Variants in SDC1 observed in about 807,000 individuals in gnomAD.
The protein encoded by SDC1 is syndecan 1, also known as syndecan-1.
In SDC1, 14 loss-of-function variants were observed where a neutral mutation model predicts 29.7. The ratio of observed to expected loss-of-function variants is 0.47; its 90% CI spans 0.31 to 0.74. SDC1 has a LOEUF of 0.74. Ranked by LOEUF, SDC1 falls within the 30% of genes least tolerant of loss-of-function variation. The pLI is 0.05. For synonymous variants in SDC1, 204 were observed against 175.5 expected (o/e 1.16, Z -1.29); for missense variants, 406 against 400.3 (o/e 1.01, Z -0.12).
chr2:20,210,661 A>G (rs1178984434), intron 1 of SDC1, among the ~76,000 whole-genome samples: 2 of 152,308 alleles, frequency 1.3e-5, no homozygotes, highest in African/African-American at 4.8e-5. Flanking sequence ...CACTGAATCA[A>G]CAAACCCCAA....
intron 1 of SDC1, among the ~76,000 whole-genome samples, chr2:20,209,196 G>T (rs184318881): frequency 1.3e-5 from 2 of 152,158 alleles, no homozygotes; most frequent in East Asian, 3.9e-4. Flanking sequence ...CCTTCTCTAA[G>T]GCTGGAAACA....
intron 2 of SDC1, among the ~76,000 whole-genome samples, chr2:20,204,865 C>A (rs540544413): frequency 2.4e-4 from 36 of 152,204 alleles, no homozygotes; most frequent in Non-Finnish European, 4.0e-4. Flanking sequence ...TTCTCTCCCC[C>A]AGTCCCCCAC....
intron 1 of SDC1, among the ~76,000 whole-genome samples, chr2:20,216,879 G>A (rs1677641519): frequency 6.6e-6 from 1 of 152,222 alleles, no homozygotes; most frequent in South Asian, 2.1e-4. Context: ...CTGTCTCTCA[G>A]CCTGCTGAGT....
intron 1 of SDC1, among the ~76,000 whole-genome samples, chr2:20,210,869 A>G (rs1418560063): frequency 6.6e-6 from 1 of 151,264 alleles, no homozygotes; most frequent in Non-Finnish European, 1.5e-5. Context: ...CACCCTCCCC[A>G]TCCCGAGATT....
At chr2:20,221,600 G>A (rs1558439126) in intron 1 of SDC1, among the ~76,000 whole-genome samples, 1 of 152,196 alleles carries the variant, frequency 6.6e-6, no homozygotes, top group East Asian at 1.9e-4. Context: ...GAGGGTAATA[G>A]GGATTCTTAG....
chr2:20,223,288 A>G, intron 1 of SDC1: 2 of 1,295,142 alleles, frequency 1.5e-6, no homozygotes, highest in Non-Finnish European at 2.0e-6. Context: ...TCTGTAAAGA[A>G]AAAAAAAACC....
chr2:20,218,863 C>T (rs555847132), intron 1 of SDC1, among the ~76,000 whole-genome samples: 8 of 152,188 alleles, frequency 5.3e-5, no homozygotes, highest in African/African-American at 1.9e-4. Context: ...TCTCATGGTG[C>T]TGCAACCCTC....
rs926286822 is a variant in SDC1 at position 20,203,359 on chromosome 2, C to T, written c.628-137G>A. ...CACTCAGATGCACCCAAACCAGGAT[C>T]GCACAGGGCCCGAAAGCCAGGCCTT... On this transcript the variant is annotated intron_variant, in intron 3 of 4. Coordinates refer to ENST00000254351, the MANE Select transcript of SDC1 (RefSeq NM_002997.5). 5.7e-5 allele frequency: 57 copies of T among 1,002,296 alleles called. No homozygotes were observed. The Middle Eastern group carries it at 1.2e-3, about 21-fold the overall frequency. 62.1% of individuals were successfully genotyped at this position (1,002,296 alleles called of 1,614,324 possible).
intron 1 of SDC1, among the ~76,000 whole-genome samples, chr2:20,217,666 C>T (rs1345723198): frequency 6.6e-6 from 1 of 152,206 alleles, no homozygotes; most frequent in East Asian, 1.9e-4. Flanking sequence ...CTCGTGCCGG[C>T]CCCCAGAGGG....
At position 20,204,139 on chromosome 2, in the gene SDC1, C is replaced by G. The variant is rs759511511; in HGVS notation, c.301G>C (p.Glu101Gln). The G allele has an allele frequency of 6.2e-7, 1 of 1,603,474 alleles. No individual in the cohort carries two copies. The highest frequency in any genetic ancestry group is 8.5e-7 in the Non-Finnish European group (1 of 1,179,870). The change falls in exon 3 of 5, where the codon GAG becomes CAG. Residue 101 changes from glutamate to glutamine, a missense_variant. Physicochemically the swap from Glu to Gln is conservative, Grantham distance 29. Transcript: ENST00000254351. ...STLPAGEGPKEGEAVVLPEVE... is the reference protein window; with the variant it reads ...STLPAGEGPKQGEAVVLPEVE... Reference sequence around the variant, plus strand: ...TCTGGCAGGACTACAGCCTCTCCCTCCTTGGGCCCCTCTCCAGCCGGCAGG... The same window carrying G: ...TCTGGCAGGACTACAGCCTCTCCCTGCTTGGGCCCCTCTCCAGCCGGCAGG...
intron 1 of SDC1, among the ~76,000 whole-genome samples, chr2:20,220,679 C>A (rs146127310): frequency 5.3e-5 from 8 of 152,266 alleles, no homozygotes; most frequent in African/African-American, 1.9e-4. Context: ...ATCATGATGT[C>A]CGCTTTACAG....
intron 1 of SDC1, among the ~76,000 whole-genome samples, chr2:20,207,630 G>A (rs549634864): frequency 3.9e-5 from 6 of 152,292 alleles, no homozygotes; most frequent in Admixed American, 2.0e-4. Context: ...CCCTGAATCC[G>A]GGAGGCAAGA....
chr2:20,203,062 A>G, intron 4 of SDC1, 25 bp downstream of exon 4: 1 of 1,583,546 alleles, frequency 6.3e-7, no homozygotes, highest in Non-Finnish European at 8.6e-7. Flanking sequence ...TTCACCCCAA[A>G]CTACCCCCCT....
chr2:20,212,684 G>T (rs1400075426), intron 1 of SDC1, among the ~76,000 whole-genome samples: 2 of 152,190 alleles, frequency 1.3e-5, no homozygotes, highest in Admixed American at 6.5e-5. Flanking sequence ...GGCCTGCCGA[G>T]GGTATGACAG....
chr2:20,221,264 G>C (rs1413578959), intron 1 of SDC1, among the ~76,000 whole-genome samples: 1 of 152,202 alleles, frequency 6.6e-6, no homozygotes, highest in South Asian at 2.1e-4. Context: ...CATCTGATTA[G>C]TTTCTTAGTG....
intron 1 of SDC1, chr2:20,223,184 G>A: frequency 8.4e-7 from 1 of 1,197,096 alleles, no homozygotes; most frequent in South Asian, 1.3e-5. Flanking sequence ...ACCGGAAAAT[G>A]TCTGGAAGCA....
In SDC1 at chr2:20,202,132, G is replaced by T; in HGVS notation, c.*634C>A. 3.6e-6 allele frequency: 2 copies of T among 562,976 alleles called. No individual in the cohort carries two copies. The highest frequency in any genetic ancestry group is 6.3e-6 in the Non-Finnish European group (2 of 315,472). 34.9% of individuals were successfully genotyped at this position (562,976 alleles called of 1,614,324 possible). A position where few individuals can be genotyped will look rare whatever the true frequency, so the allele number is the denominator to read the frequency against. On this transcript the variant is annotated 3_prime_UTR_variant, in exon 5 of 5. Transcript: ENST00000254351. Reference sequence around the variant, plus strand: ...AAAAAAAAGTCTTCTTAACCCTGATGCTGTCTCCCGACCATAGATTAGGGA... The same window carrying T: ...AAAAAAAAGTCTTCTTAACCCTGATTCTGTCTCCCGACCATAGATTAGGGA...
intron 1 of SDC1, chr2:20,207,459 G>C: frequency 1.1e-6 from 1 of 936,776 alleles, no homozygotes; most frequent in Non-Finnish European, 1.3e-6. Flanking sequence ...GCTCACGCCT[G>C]TAATCCCAGC....
intron 1 of SDC1, among the ~76,000 whole-genome samples, chr2:20,216,048 C>T (rs1304053565): frequency 6.6e-6 from 1 of 152,230 alleles, no homozygotes; most frequent in Non-Finnish European, 1.5e-5. Context: ...GAACCTCATT[C>T]ACGGGAGGTG....
Sources: gnomAD v4.1 joint callset for allele counts (sites outside exome capture counted in the v4.1 genomes callset) on GRCh38, gnomAD v4.1.1 for gene constraint, MANE v1.5 for transcripts, NCBI Gene and HGNC (gene_info 2026-07-23, HGNC 2026-07-21) for gene names.